Variants in STAT1 observed in about 807,000 individuals in gnomAD.
The protein encoded by STAT1 is signal transducer and activator of transcription 1-alpha/beta.
Under a neutral mutation model 111.7 loss-of-function variants are expected in STAT1, and 24 were observed. The ratio of observed to expected loss-of-function variants is 0.21; its 90% confidence interval spans 0.16 to 0.30. STAT1 has a LOEUF of 0.30. Among genes scored for constraint, STAT1 ranks in the 10% least tolerant of loss-of-function variants. STAT1 has a pLI of 1.00. For missense variants in STAT1, 351 were observed against 911.9 expected, an observed-to-expected ratio of 0.38 and a Z score of 7.92; for synonymous variants, 332 against 326.5, an observed-to-expected ratio of 1.02 and a Z score of -0.18.
In STAT1 at chr2:190,986,014, G is replaced by A. The variant is rs917417234; in HGVS notation, c.1222-354C>T. Among the ~76,000 whole-genome samples, 1 of 152,188 alleles carries A rather than the reference G, an allele frequency of 6.6e-6. No homozygotes were observed. Among genetic ancestry groups the A allele is most frequent in the African/African-American group, 2.4e-5 (1 of 41,450 alleles). On this transcript the variant is annotated intron_variant, in intron 14 of 24. Coordinates refer to ENST00000361099, the MANE Select transcript of STAT1 (RefSeq NM_007315.4). The surrounding 1 kb of genome is among the most constrained non-coding windows in gnomAD (Gnocchi z 5.0). ...CCCTTTCCCTCAGCAGAGTCCTCCA[G>A]GCTGGGCCCAGTGACTCCAGGTCCA...
At chr2:191,005,486 T>C (rs1318610567) in intron 5 of STAT1, among the ~76,000 whole-genome samples, 2 of 152,356 alleles carry the variant, frequency 1.3e-5, no homozygotes, top group East Asian at 1.9e-4. Context: ...TATGTTTAGA[T>C]ACACAAATAA....
Position 190,995,302 on chromosome 2 carries a change from C to A in STAT1, c.786-83G>T. ...TTAAAGGGAATCATGGTATATTAGT[C>A]CATTCTCATGCTGCTAATAAAGACA... is the stretch of plus-strand genomic sequence containing the variant. On this transcript the variant is annotated intron_variant, in intron 9 of 24. Transcript: ENST00000361099. The surrounding 1 kb of genome is among the most constrained non-coding windows in gnomAD (Gnocchi z 4.2). The A allele has an allele frequency of 3.0e-6, 4 of 1,331,238 alleles. No homozygotes were observed. Among genetic ancestry groups the A allele is most frequent in the Non-Finnish European group, 4.3e-6 (4 of 928,556 alleles). The allele number at this position is 1,331,238 out of a possible 1,614,324, so 82.5% of individuals were successfully genotyped here.
In STAT1 at chr2:190,977,010, G is replaced by A; in HGVS notation, c.1889C>T (p.Ala630Val). 1 of 1,614,160 alleles carries A rather than the reference G, an allele frequency of 6.2e-7. No homozygotes were observed. The highest frequency in any genetic ancestry group is 8.5e-7 in the Non-Finnish European group (1 of 1,180,016). The change falls in exon 22 of 25, where the codon GCG (alanine) becomes GTG (valine). Residue 630 changes from alanine (A) to valine (V), a missense_variant. Transcript: ENST00000361099. This position sits in a 1 kb window ranked among gnomAD's most constrained non-coding sequence, Gnocchi z 4.7. ...SQNGGEPDFHAVEPYTKKELS... is the reference protein window; with the variant it reads ...SQNGGEPDFHVVEPYTKKELS... The stretch of plus-strand genomic sequence containing the variant: ...TTCTTTCTTCGTGTAGGGTTCAACC[G>A]CATGGAAGTCAGGTTCTAAAAAGGA...
intron 15 of STAT1, 39 bp downstream of exon 15, chr2:190,985,580 C>A (rs776553704): frequency 4.3e-6 from 7 of 1,612,870 alleles, no homozygotes; most frequent in Middle Eastern, 1.6e-4. Context: ...GACAGACCTG[C>A]CTGATTTGGG....
At chr2:191,002,334 C>T (rs901714336) in intron 5 of STAT1, among the ~76,000 whole-genome samples, 9 of 152,292 alleles carry the variant, frequency 5.9e-5, no homozygotes, top group African/African-American at 1.2e-4. Flanking sequence ...CATATGCACA[C>T]GGGTTTCCTT....
At position 190,990,010 on chromosome 2, in the gene STAT1, C is replaced by T. The variant is rs984921264; in HGVS notation, c.1038-336G>A. 5.3e-5 allele frequency among the ~76,000 whole-genome samples: 8 copies of T among 152,162 alleles called. No individual in the cohort carries two copies. The highest frequency in any genetic ancestry group is 1.3e-4 in the Admixed American group (2 of 15,270). Reference sequence around the variant, plus strand: ...GTTTCATCACAATTTCGACCTTTGGCCAATTTATATGGGTAAAATAGCAAA... The same window carrying T: ...GTTTCATCACAATTTCGACCTTTGGTCAATTTATATGGGTAAAATAGCAAA... On this transcript the variant is annotated intron_variant, in intron 11 of 24. Transcript: ENST00000361099. The surrounding 1 kb of genome is among the most constrained non-coding windows in gnomAD (Gnocchi z 5.1).
At position 191,004,343 on chromosome 2, in the gene STAT1, G is replaced by A. The variant is rs1694515985; in HGVS notation, c.373-3180C>T. The stretch of plus-strand genomic sequence containing the variant: ...ACTCTTACTTTCTCGTTTCACTACT[G>A]TACCTCTAGAGACCTTGTTTGGATG... On this transcript the variant is annotated intron_variant, in intron 5 of 24. Transcript: ENST00000361099. This position sits in a 1 kb window ranked among gnomAD's most constrained non-coding sequence, Gnocchi z 5.0. 6.6e-6 allele frequency among the ~76,000 whole-genome samples: 1 copy of A among 152,162 alleles called. No homozygotes were observed. The highest frequency in any genetic ancestry group is 1.9e-4 in the East Asian group (1 of 5,202).
At chr2:191,010,459 T>G in intron 2 of STAT1, 1 of 449,746 alleles carries the variant, frequency 2.2e-6, no homozygotes, top group East Asian at 7.1e-5. Context: ...CCTAGAACAA[T>G]GTCAACCACA....
Position 190,976,337 on chromosome 2 carries a change from C to T in STAT1, c.2060-450G>A, listed in dbSNP as rs1691902876. Among the ~76,000 whole-genome samples, 1 of 152,218 alleles carries T rather than the reference C, an allele frequency of 6.6e-6. No individual in the cohort carries two copies. Reference sequence around the variant, plus strand: ...CTTTGTTGGTGTGTTCCAAACAAAACAGGTCTAATTCGAACCTTCTCAAAT... The same window carrying T: ...CTTTGTTGGTGTGTTCCAAACAAAATAGGTCTAATTCGAACCTTCTCAAAT... On this transcript the variant is annotated intron_variant, in intron 22 of 24. Coordinates refer to ENST00000361099, the MANE Select transcript of STAT1 (RefSeq NM_007315.4). This position sits in a 1 kb window ranked among gnomAD's most constrained non-coding sequence, Gnocchi z 6.0.
chr2:190,972,279 T>C (rs1399260184), intron 24 of STAT1, among the ~76,000 whole-genome samples: 1 of 152,248 alleles, frequency 6.6e-6, no homozygotes, highest in East Asian at 1.9e-4. Context: ...AGACAATTAA[T>C]AGCTAGTCCT....
At chr2:191,013,128 A>C (rs1559027870) in intron 2 of STAT1, among the ~76,000 whole-genome samples, 1 of 152,240 alleles carries the variant, frequency 6.6e-6, no homozygotes, top group Non-Finnish European at 1.5e-5. Context: ...TGTTGAATTG[A>C]AATTATGTAT....
intron 2 of STAT1, among the ~76,000 whole-genome samples, chr2:191,011,719 T>C (rs1695137666): frequency 1.3e-5 from 2 of 152,280 alleles, no homozygotes; most frequent in African/African-American, 4.8e-5. Flanking sequence ...TGACATCTGA[T>C]GGTTTTATAA....
chr2:190,986,622 G>T lies in STAT1; in HGVS notation c.1221+232C>A, dbSNP rs979838267. Among the ~76,000 whole-genome samples the T allele has an allele frequency of 6.6e-6, 1 of 152,188 alleles. No homozygotes were observed. Among genetic ancestry groups the T allele is most frequent in the African/African-American group, 2.4e-5 (1 of 41,430 alleles). ...ATCATTTACGTAAACACAGGCTTAG[G>T]AAATATTTTTACTGCAAGTGATACA... On this transcript the variant is annotated intron_variant, in intron 14 of 24. Transcript: ENST00000361099. This position sits in a 1 kb window ranked among gnomAD's most constrained non-coding sequence, Gnocchi z 5.0.
In STAT1 at chr2:190,995,554, T is replaced by G. The variant is rs1693789246; in HGVS notation, c.786-335A>C. 6.6e-6 allele frequency among the ~76,000 whole-genome samples: 1 copy of G among 152,118 alleles called. No individual in the cohort carries two copies. Among genetic ancestry groups the G allele is most frequent in the Non-Finnish European group, 1.5e-5 (1 of 68,022 alleles). The stretch of plus-strand genomic sequence containing the variant: ...AACAGTATTGGGGGAACCACCCCCA[T>G]GATTCAATTATCTCCACCTGGCCCT... On this transcript the variant is annotated intron_variant, in intron 9 of 24. Transcript: ENST00000361099. This position sits in a 1 kb window ranked among gnomAD's most constrained non-coding sequence, Gnocchi z 4.2.
chr2:190,993,505 C>T lies in STAT1; in HGVS notation c.944+1556G>A. ...CTAAGAAGGAGGCAAGACTTTCCAACCCCAGAGTCGCCAATCAGAAGTAAT... is the reference window on the plus strand; with the variant it reads ...CTAAGAAGGAGGCAAGACTTTCCAATCCCAGAGTCGCCAATCAGAAGTAAT... On this transcript the variant is annotated intron_variant, in intron 10 of 24. Coordinates refer to ENST00000361099, the MANE Select transcript of STAT1 (RefSeq NM_007315.4). The surrounding 1 kb of genome is among the most constrained non-coding windows in gnomAD (Gnocchi z 4.1). The T allele has an allele frequency of 1.2e-6, 1 of 847,430 alleles. No individual in the cohort carries two copies. Among genetic ancestry groups the T allele is most frequent in the Non-Finnish European group, 2.0e-6 (1 of 509,624 alleles). 52.5% of individuals were successfully genotyped at this position (847,430 alleles called of 1,614,324 possible).
At position 191,007,445 on chromosome 2, in the gene STAT1, T is replaced by G; in HGVS notation, c.372+118A>C. 1.3e-6 allele frequency: 1 copy of G among 765,010 alleles called. No individual in the cohort carries two copies. The highest frequency in any genetic ancestry group is 2.2e-6 in the Non-Finnish European group (1 of 455,060). The allele number at this position is 765,010 out of a possible 1,614,324, so 47.4% of individuals were successfully genotyped here. ...CTCTAAATCTGATTCTCCCACTTCT[T>G]GGGGCTATAAAATTAGAGAGATATT... On this transcript the variant is annotated intron_variant, in intron 5 of 24. Transcript: ENST00000361099. This position sits in a 1 kb window ranked among gnomAD's most constrained non-coding sequence, Gnocchi z 4.2.
chr2:191,005,699 G>T (rs1441311287), intron 5 of STAT1, among the ~76,000 whole-genome samples: 2 of 152,202 alleles, frequency 1.3e-5, no homozygotes, highest in Non-Finnish European at 2.9e-5. Flanking sequence ...GTCATTAAGT[G>T]ATGCATGTCT....
chr2:190,995,109 T>C lies in STAT1; in HGVS notation c.896A>G (p.Gln299Arg). 4 of 1,613,692 alleles carry C rather than the reference T, an allele frequency of 2.5e-6. No homozygotes were observed. Among genetic ancestry groups the C allele is most frequent in the Non-Finnish European group, 3.4e-6 (4 of 1,179,908 alleles). The change falls in exon 10 of 25, where the codon CAA becomes CGA. Residue 299 changes from glutamine (Q) to arginine (R), a missense_variant. By Grantham distance (43) the Gln-to-Arg change is conservative. Coordinates refer to ENST00000361099, the MANE Select transcript of STAT1 (RefSeq NM_007315.4). This position sits in a 1 kb window ranked among gnomAD's most constrained non-coding sequence, Gnocchi z 4.2. ...ACTGAAGGTGCGGTCCCATAACACT[T>C]GTTTGTTTTTTGTGATAGGGTCATG... ...YEHDPITKNKQVLWDRTFSLF... is the reference protein window; with the variant it reads ...YEHDPITKNKRVLWDRTFSLF...
rs1448684966 is a variant in STAT1 at position 191,007,937 on chromosome 2, T to C, written c.274-276A>G. ...TTCACATAATATTTTTACTTTAATA[T>C]CTTTCCATATTTCTTAAGGCCAATT... On this transcript the variant is annotated intron_variant, in intron 4 of 24. Transcript: ENST00000361099. The surrounding 1 kb of genome is among the most constrained non-coding windows in gnomAD (Gnocchi z 4.2). 1 of 509,728 alleles carries C rather than the reference T, an allele frequency of 2.0e-6. No homozygotes were observed. 31.6% of individuals were successfully genotyped at this position (509,728 alleles called of 1,614,324 possible).
Sources: allele counts gnomAD v4.1 joint callset (sites outside exome capture counted in the v4.1 genomes callset), GRCh38; gene constraint gnomAD v4.1.1; non-coding constraint Gnocchi (gnomAD v3.1); transcripts MANE v1.5; gene names NCBI Gene and HGNC (gene_info 2026-07-23, HGNC 2026-07-21).